RB1: variants seen among roughly 807,000 people sequenced by gnomAD.
The protein encoded by RB1 is RB transcriptional corepressor 1.
A neutral mutation model predicts 135.4 loss-of-function variants in RB1; 18 were observed. The observed-to-expected ratio is 0.13, with a 90% CI of 0.09 to 0.20. The LOEUF (loss-of-function observed/expected upper bound fraction) is 0.20. Ranked by LOEUF, RB1 falls within the 10% of genes least tolerant of loss-of-function variation. The pLI is 1.00. For synonymous variants in RB1, 365 were observed against 373.2 expected (o/e 0.98, Z 0.25); for missense variants, 868 against 1,110.0 (o/e 0.78, Z 3.10).
chr13:48,365,160 A>G (rs1952682690), intron 9 of RB1, among the ~76,000 whole-genome samples, 189 bp downstream of exon 9: 1 of 152,196 alleles, frequency 6.6e-6, no homozygotes, highest in Admixed American at 6.5e-5. Context: ...TATATAATCA[A>G]ATGTATTAGC....
At chr13:48,464,904 G>T in intron 21 of RB1, 94 bp from the exon 22 acceptor site, 1 of 1,357,462 alleles carries the variant, frequency 7.4e-7, no homozygotes, top group African/African-American at 1.5e-5. Context: ...TAAACTATTA[G>T]AAAAGAAAAT....
intron 2 of RB1, chr13:48,317,384 C>T (rs1952194775): frequency 7.7e-6 from 3 of 388,084 alleles, no homozygotes; most frequent in East Asian, 1.0e-4. Flanking sequence ...GAGCGCAGCG[C>T]GCACGGGTTC....
chr13:48,324,229 A>G (rs1323976250), intron 2 of RB1, among the ~76,000 whole-genome samples: 1 of 152,030 alleles, frequency 6.6e-6, no homozygotes, highest in African/African-American at 2.4e-5. Flanking sequence ...TCTTTTAGTT[A>G]TTTTGAAATA....
rs1949528429 is a variant in RB1 at position 48,480,019 on chromosome 13, A to G, written c.2735A>G (p.Gln912Arg). ...AEMTSTRTRM[Q>R]KQKMNDSMDT... ...CCAGCTTCTACTCGAACACGAATGC[A>G]AAAGCAGAAAATGAATGATAGCATG... is the stretch of plus-strand genomic sequence containing the variant. The change falls in exon 27 of 27, where the codon CAA becomes CGA. Residue 912 changes from glutamine (Q) to arginine (R), a missense_variant. This residue lies in a region of RB1 where 196 missense variants were observed against 239.8 expected (regional missense o/e 0.82). Transcript: ENST00000267163. The G allele has an allele frequency of 6.2e-7, 1 of 1,613,524 alleles. No individual in the cohort carries two copies. Among genetic ancestry groups the G allele is most frequent in the Non-Finnish European group, 8.5e-7 (1 of 1,179,582 alleles).
chr13:48,345,925 T>A (rs1219332749), intron 4 of RB1, among the ~76,000 whole-genome samples: 4 of 152,026 alleles, frequency 2.6e-5, no homozygotes, highest in South Asian at 2.1e-4. Flanking sequence ...GAAAGAAGCA[T>A]CTCCTTAGGA....
chr13:48,412,337 C>A (rs1021277848), intron 17 of RB1: 1 of 1,613,164 alleles, frequency 6.2e-7, no homozygotes, highest in African/African-American at 1.3e-5. Context: ...TTAACCCAAG[C>A]ACAAACACCA....
At chr13:48,418,124 C>A (rs2138229215) in intron 17 of RB1, among the ~76,000 whole-genome samples, 1 of 152,200 alleles carries the variant, frequency 6.6e-6, no homozygotes, top group Non-Finnish European at 1.5e-5. Flanking sequence ...TTAAAAGCAG[C>A]CAGAGAGAAA....
intron 17 of RB1, chr13:48,412,314 A>C (rs187575622): frequency 6.2e-7 from 1 of 1,613,124 alleles, no homozygotes; most frequent in South Asian, 1.1e-5. Context: ...GTATATGGCA[A>C]CACAATTGGA....
rs1952716833 is a variant in RB1 at position 48,367,588 on chromosome 13, C to G, written c.1034C>G (p.Thr345Ser). The change falls in exon 10 of 27, where the codon ACT becomes AGT. Residue 345 changes from threonine to serine, a missense_variant. By Grantham distance (58) the Thr-to-Ser change is moderately conservative. Around this residue, in one of 3 missense-constraint regions of RB1, gnomAD observed 641 missense variants for 791.3 expected, o/e 0.81. Coordinates refer to ENST00000267163, the MANE Select transcript of RB1 (RefSeq NM_000321.3). ...TTGGATCATGATAAAACTCTTCAGA[C>G]TGATTCTATAGACAGGTATTGCACA... is the stretch of plus-strand genomic sequence containing the variant. ...LFLDHDKTLQTDSIDSFETQR... is the reference protein window; with the variant it reads ...LFLDHDKTLQSDSIDSFETQR... 6.2e-7 allele frequency: 1 copy of G among 1,604,010 alleles called. No individual in the cohort carries two copies. The highest frequency in any genetic ancestry group is 1.7e-5 in the Admixed American group (1 of 59,682).
At chr13:48,362,684 T>C in intron 7 of RB1, 131 bp from the exon 8 acceptor site, 1 of 965,996 alleles carries the variant, frequency 1.0e-6, no homozygotes, top group East Asian at 2.6e-5. Context: ...GTTATCCTTC[T>C]AATGAAACCT....
At chr13:48,390,756 T>C (rs1165323107) in intron 17 of RB1, among the ~76,000 whole-genome samples, 1 of 152,244 alleles carries the variant, frequency 6.6e-6, no homozygotes, top group Admixed American at 6.5e-5. Context: ...AAACTACTTG[T>C]GCCTGATACT....
rs5803435 is a variant in RB1, at chr13:48,409,570, ATTTTTTTTTTTTTT to A, written c.1695+28143_1695+28156del. ...TTAGTTAACTTTGGAGAACTGCTTGATTTTTTTTTTTTTTTTTTTTTTTTTTTTTGAGATGGAGT... is the reference window on the plus strand; with the variant it reads ...TTAGTTAACTTTGGAGAACTGCTTGATTTTTTTTTTTTTTTGAGATGGAGT... On this transcript the variant is annotated intron_variant, in intron 17 of 26. Transcript: ENST00000267163. 2.2e-3 allele frequency among the ~76,000 whole-genome samples: 133 copies of A among 59,694 alleles called. 1 individual carries two copies. In the South Asian group the frequency reaches 0.051, roughly 23 times the overall value. 39.2% of individuals were successfully genotyped at this position (59,694 alleles called of 152,430 possible). A position where few individuals can be genotyped will look rare whatever the true frequency, so the allele number is the denominator to read the frequency against.
At chr13:48,462,205 C>T (rs1949410320) in intron 20 of RB1, among the ~76,000 whole-genome samples, 1 of 151,610 alleles carries the variant, frequency 6.6e-6, no homozygotes, top group Non-Finnish European at 1.5e-5. Context: ...CTCACTGCAG[C>T]CTCGAATTCC....
chr13:48,304,007 AC>A lies in RB1; in HGVS notation c.98del (p.Pro33GlnfsTer32). 1 of 1,492,822 alleles carries A rather than the reference AC, an allele frequency of 6.7e-7. No individual in the cohort carries two copies. The highest frequency in any genetic ancestry group is 8.9e-7 in the Non-Finnish European group (1 of 1,129,682). 92.5% of individuals were successfully genotyped at this position (1,492,822 alleles called of 1,614,324 possible). A position where few individuals can be genotyped will look rare whatever the true frequency, so the allele number is the denominator to read the frequency against. On this transcript the variant is annotated frameshift_variant, in exon 1 of 27. Transcript: ENST00000267163. LOFTEE classifies it high-confidence loss of function. ...APPPPPPPEE[D>X]PEQDSGPEDL... ...CCGCCGCCGCCCCCTCCTGAGGAGGACCCAGAGCAGGACAGCGGCCCGGAGG... is the reference window on the plus strand; with the variant it reads ...CCGCCGCCGCCCCCTCCTGAGGAGGACCAGAGCAGGACAGCGGCCCGGAGG...
chr13:48,388,154 C>G (rs79767462), intron 17 of RB1, among the ~76,000 whole-genome samples: 140 of 152,220 alleles, frequency 9.2e-4, no homozygotes, highest in Middle Eastern at 3.4e-3. Context: ...GTACTTAAAA[C>G]AATATCTGAC....
At chr13:48,317,586 G>A (rs1952197228) in intron 2 of RB1, 2 of 431,568 alleles carry the variant, frequency 4.6e-6, no homozygotes, top group Admixed American at 3.4e-5. Flanking sequence ...CAGCATGCTC[G>A]GCCCCTCGTG....
intron 11 of RB1, 142 bp downstream of exon 11, chr13:48,368,746 C>G: frequency 7.8e-7 from 1 of 1,276,182 alleles, no homozygotes; most frequent in Non-Finnish European, 1.0e-6. Context: ...TGGATCACAC[C>G]TGTAATCCCA....
intron 2 of RB1, among the ~76,000 whole-genome samples, chr13:48,330,979 T>C (rs531424584): frequency 3.5e-4 from 54 of 152,180 alleles, no homozygotes; most frequent in Non-Finnish European, 7.2e-4. Flanking sequence ...TCAAGGATGG[T>C]TCAACATATG....
chr13:48,363,205 T>G lies in RB1; in HGVS notation c.861+248T>G, dbSNP rs573664876. Among the ~76,000 whole-genome samples, 63 of 85,232 alleles carry G rather than the reference T, an allele frequency of 7.4e-4. No homozygotes were observed. In the Middle Eastern group the frequency reaches 0.015, roughly 21 times the overall value. The allele number at this position is 85,232 out of a possible 152,430, so 55.9% of individuals were successfully genotyped here. A position where few individuals can be genotyped will look rare whatever the true frequency, so the allele number is the denominator to read the frequency against. ...TCAAGACAATAGTTTTCAAATGTAGTTTTTTTTTTTTTTTATTCCTCTGAG... is the reference window on the plus strand; with the variant it reads ...TCAAGACAATAGTTTTCAAATGTAGGTTTTTTTTTTTTTTATTCCTCTGAG... On this transcript the variant is annotated intron_variant, in intron 8 of 26. Transcript: ENST00000267163.
Sources: allele counts gnomAD v4.1 joint callset (sites outside exome capture counted in the v4.1 genomes callset), GRCh38; gene constraint gnomAD v4.1.1; regional missense constraint gnomAD v4.1.1; transcripts MANE v1.5; gene names NCBI Gene and HGNC (gene_info 2026-07-23, HGNC 2026-07-21).